SPTLC3: variants seen among roughly 807,000 people sequenced by gnomAD.
The protein encoded by SPTLC3 is serine palmitoyltransferase 3.
In SPTLC3, 36 loss-of-function variants were observed where a neutral mutation model predicts 59.3. The observed-to-expected ratio is 0.61, with a 90% CI of 0.47 to 0.80. The LOEUF (loss-of-function observed/expected upper bound fraction) is 0.80, where lower values mean the gene tolerates loss of function less well. Among genes scored for constraint, SPTLC3 ranks in the 30% least tolerant of loss-of-function variants. SPTLC3 has a pLI of 0.00. For synonymous variants in SPTLC3, 257 were observed against 240.8 expected, an observed-to-expected ratio of 1.07 and a Z score of -0.62; for missense variants, 625 against 685.1, an observed-to-expected ratio of 0.91 and a Z score of 0.98.
At chr20:13,158,586 G>T (rs2038825871) in intron 10 of SPTLC3, among the ~76,000 whole-genome samples, 1 of 152,190 alleles carries the variant, frequency 6.6e-6, no homozygotes, top group Non-Finnish European at 1.5e-5. Context: ...ATTCTGTGCA[G>T]TTCCGTGGGC....
Position 13,168,584 on chromosome 20 carries a change from G to A in SPTLC3, c.*3717G>A, listed in dbSNP as rs1230163560. Reference sequence around the variant, plus strand: ...ACAACAGCTCTTCAGTAGGGTAAAAGTCTTAACAGTTCTTCAAACGAACAA... The same window carrying A: ...ACAACAGCTCTTCAGTAGGGTAAAAATCTTAACAGTTCTTCAAACGAACAA... On this transcript the variant is annotated 3_prime_UTR_variant, in exon 12 of 12. Coordinates refer to ENST00000399002, the MANE Select transcript of SPTLC3 (RefSeq NM_018327.4). 6.6e-6 allele frequency: 1 copy of A among 152,164 alleles called. No homozygotes were observed. The highest frequency in any genetic ancestry group is 1.5e-5 in the Non-Finnish European group (1 of 68,024). 9.4% of individuals were successfully genotyped at this position (152,164 alleles called of 1,614,324 possible).
chr20:13,081,898 G>C (rs1413603389), intron 4 of SPTLC3, among the ~76,000 whole-genome samples: 1 of 152,120 alleles, frequency 6.6e-6, no homozygotes, highest in East Asian at 1.9e-4. Flanking sequence ...TTGTTTGGGA[G>C]GAGAAAAATG....
intron 6 of SPTLC3, among the ~76,000 whole-genome samples, chr20:13,109,046 A>T (rs1017959594): frequency 6.6e-6 from 1 of 152,122 alleles, no homozygotes; most frequent in African/African-American, 2.4e-5. Flanking sequence ...AACCTCGGCC[A>T]TTTTTTTCTT....
intron 1 of SPTLC3, among the ~76,000 whole-genome samples, chr20:13,030,172 G>A (rs1202554060): frequency 2.0e-5 from 3 of 152,118 alleles, no homozygotes; most frequent in African/African-American, 7.2e-5. Context: ...ATGAGTCACT[G>A]GCTGCCCCTA....
chr20:13,160,932 C>T (rs576550404), intron 11 of SPTLC3, among the ~76,000 whole-genome samples: 22 of 152,188 alleles, frequency 1.4e-4, no homozygotes, highest in African/African-American at 3.4e-4. Context: ...TAAAGCTTAT[C>T]GAGCATCATT....
At chr20:13,079,619 C>T in intron 4 of SPTLC3, 1 of 293,144 alleles carries the variant, frequency 3.4e-6, no homozygotes, top group South Asian at 2.7e-5. Context: ...TGTGTGTTCC[C>T]AGGGAGGACC....
At chr20:13,157,328 T>C (rs1002971501) in intron 10 of SPTLC3, among the ~76,000 whole-genome samples, 1 of 151,594 alleles carries the variant, frequency 6.6e-6, no homozygotes, top group African/African-American at 2.4e-5. Context: ...TCTCAGCTAC[T>C]TGGGAGATTG....
chr20:13,060,960 T>A (rs1464695222), intron 2 of SPTLC3, among the ~76,000 whole-genome samples: 1 of 152,182 alleles, frequency 6.6e-6, no homozygotes, highest in African/African-American at 2.4e-5. Context: ...CCTTTTCCTT[T>A]GAGTAAATAC....
chr20:13,136,365 G>A (rs1221252918), intron 9 of SPTLC3, among the ~76,000 whole-genome samples: 1 of 152,070 alleles, frequency 6.6e-6, no homozygotes, highest in Non-Finnish European at 1.5e-5. Flanking sequence ...GCGAGGCCAA[G>A]GCAGGTGGAT....
chr20:13,047,045 C>T (rs991109678), intron 1 of SPTLC3, among the ~76,000 whole-genome samples: 1 of 152,130 alleles, frequency 6.6e-6, no homozygotes, highest in Non-Finnish European at 1.5e-5. Context: ...AATAAGGAGG[C>T]AAGCCATTTT....
chr20:13,015,599 T>C (rs2122365939), intron 1 of SPTLC3, among the ~76,000 whole-genome samples: 1 of 152,274 alleles, frequency 6.6e-6, no homozygotes, highest in African/African-American at 2.4e-5. Context: ...TCTGTGTAAG[T>C]CCAGTAAATA....
intron 1 of SPTLC3, among the ~76,000 whole-genome samples, chr20:13,042,327 C>T (rs1987022644): frequency 6.6e-6 from 1 of 152,180 alleles, no homozygotes; most frequent in South Asian, 2.1e-4. Flanking sequence ...GGAGCTCTCT[C>T]TCCCACTGGG....
intron 9 of SPTLC3, among the ~76,000 whole-genome samples, chr20:13,130,439 T>C (rs984273758): frequency 1.3e-5 from 2 of 152,238 alleles, no homozygotes; most frequent in Admixed American, 1.3e-4. Flanking sequence ...TGTTCCTTGA[T>C]GAATGTCTTC....
chr20:13,091,271 G>T, intron 5 of SPTLC3, 64 bp downstream of exon 5: 2 of 1,573,766 alleles, frequency 1.3e-6, no homozygotes, highest in Non-Finnish European at 1.7e-6. Context: ...CTCTGAGTAG[G>T]TCCTTGTTAG....
At chr20:13,085,870 T>C (rs2122609137) in intron 4 of SPTLC3, among the ~76,000 whole-genome samples, 1 of 152,314 alleles carries the variant, frequency 6.6e-6, no homozygotes, top group East Asian at 1.9e-4. Context: ...AAGAGGATAC[T>C]TCCAGTTTAT....
chr20:13,105,717 C>G (rs771291559), intron 6 of SPTLC3, among the ~76,000 whole-genome samples: 1 of 152,146 alleles, frequency 6.6e-6, no homozygotes, highest in African/African-American at 2.4e-5. Context: ...GCCACATTTA[C>G]CATCTATCAT....
chr20:13,162,718 G>C (rs765446795), intron 11 of SPTLC3, among the ~76,000 whole-genome samples: 1 of 152,086 alleles, frequency 6.6e-6, no homozygotes, highest in Non-Finnish European at 1.5e-5. Flanking sequence ...TCATTCTCTC[G>C]CCTTTCAGAT....
At chr20:13,153,965 A>C in intron 9 of SPTLC3, 38 bp from the exon 10 acceptor site, 1 of 1,608,088 alleles carries the variant, frequency 6.2e-7, no homozygotes, top group Non-Finnish European at 8.5e-7. Flanking sequence ...CCCTCTTTCT[A>C]GTGGGAATTG....
chr20:13,111,200 G>A (rs1445832790), intron 7 of SPTLC3, among the ~76,000 whole-genome samples: 7 of 152,084 alleles, frequency 4.6e-5, no homozygotes, highest in Non-Finnish European at 7.4e-5. Context: ...CAGTCCTACT[G>A]TGGGAAATGC....
Sources: gnomAD v4.1 joint callset for allele counts (sites outside exome capture counted in the v4.1 genomes callset) on GRCh38, gnomAD v4.1.1 for gene constraint, MANE v1.5 for transcripts, NCBI Gene and HGNC (gene_info 2026-07-23, HGNC 2026-07-21) for gene names.